PRIM2: variants seen among roughly 807,000 people sequenced by gnomAD.
PRIM2 encodes DNA primase subunit 2.
A neutral mutation model predicts 67.3 loss-of-function variants in PRIM2; 39 were observed. The ratio of observed to expected loss-of-function variants is 0.58; its 90% CI spans 0.45 to 0.76. The LOEUF is 0.76. PRIM2 is among the 30% of genes least tolerant of loss of function. The pLI is 0.00. For synonymous variants in PRIM2, 143 were observed against 198.7 expected, an observed-to-expected ratio of 0.72 and a Z score of 2.36; for missense variants, 398 against 598.7, an observed-to-expected ratio of 0.66 and a Z score of 3.50.
Position 57,591,412 on chromosome 6 carries a change from C to T in PRIM2, c.1021-9681C>T, listed in dbSNP as rs1435224148. Among the ~76,000 whole-genome samples the T allele has an allele frequency of 6.6e-5, 10 of 152,262 alleles. No individual in the cohort carries two copies. The South Asian group carries it at 1.7e-3, about 25-fold the overall frequency. On this transcript the variant is annotated intron_variant, in intron 10 of 13. Transcript: ENST00000615550. The stretch of plus-strand genomic sequence containing the variant: ...TTATATGTGTGACCCTGATGCTGAG[C>T]TTGAGTTTCTGTTAGTACTTATGAT...
intron 8 of PRIM2, among the ~76,000 whole-genome samples, chr6:57,527,280 A>G (rs1162300906): frequency 2.0e-5 from 3 of 152,202 alleles, no homozygotes; most frequent in Non-Finnish European, 2.9e-5. Flanking sequence ...TTATTCCTGA[A>G]TTACAGTTTT....
At chr6:57,613,765 G>T (rs1187551794) in intron 12 of PRIM2, among the ~76,000 whole-genome samples, 19 of 152,180 alleles carry the variant, frequency 1.2e-4, no homozygotes, top group African/African-American at 4.3e-4. Flanking sequence ...GCTTGTGTTG[G>T]AGGAGGGAAA....
chr6:57,272,513 T>C, the PRIM2 span, among the ~76,000 whole-genome samples: 2 of 152,348 alleles, frequency 1.3e-5, no homozygotes, highest in South Asian at 4.1e-4. Flanking sequence ...TTTGAGCCTA[T>C]GTGTGTCTCT....
intron 7 of PRIM2, among the ~76,000 whole-genome samples, chr6:57,423,967 G>T (rs1771542681): frequency 6.6e-6 from 1 of 152,188 alleles, no homozygotes; most frequent in South Asian, 2.1e-4. Context: ...GTGAGCACAT[G>T]TACCCTATTT....
the PRIM2 span, among the ~76,000 whole-genome samples, chr6:57,272,467 T>C: frequency 3.4e-4 from 52 of 152,204 alleles, no homozygotes; most frequent in African/African-American, 9.4e-4. Flanking sequence ...TTTTTTGTTT[T>C]CCATTTGCTT....
chr6:57,500,734 G>A (rs1395963052), intron 7 of PRIM2, among the ~76,000 whole-genome samples: 140 of 152,308 alleles, frequency 9.2e-4, no homozygotes, highest in Non-Finnish European at 1.3e-3. Context: ...GTGCCATCTG[G>A]TCTGAGTTAG....
At chr6:57,518,302 T>G (rs1373752531) in intron 8 of PRIM2, among the ~76,000 whole-genome samples, 1 of 152,254 alleles carries the variant, frequency 6.6e-6, no homozygotes, top group African/African-American at 2.4e-5. Context: ...CAGGTCTTAC[T>G]GAGGTGTGTC....
intron 7 of PRIM2, among the ~76,000 whole-genome samples, chr6:57,467,698 A>C (rs1241683842): frequency 6.6e-6 from 1 of 152,190 alleles, no homozygotes; most frequent in Non-Finnish European, 1.5e-5. Context: ...ATAGCATTGA[A>C]TATATAAATT....
chr6:57,316,938 C>T (rs1767498387), upstream of PRIM2, among the ~76,000 whole-genome samples: 1 of 152,208 alleles, frequency 6.6e-6, no homozygotes, highest in Non-Finnish European at 1.5e-5. Flanking sequence ...TAGTTCATTC[C>T]ACAGATAATT....
At chr6:57,273,862 G>C in the PRIM2 span, among the ~76,000 whole-genome samples, 1 of 152,196 alleles carries the variant, frequency 6.6e-6, no homozygotes, top group South Asian at 2.1e-4. Flanking sequence ...TACCTCAGCT[G>C]CAGGTCTGTT....
intron 5 of PRIM2, among the ~76,000 whole-genome samples, chr6:57,338,858 A>T (rs1768368005): frequency 2.0e-5 from 3 of 150,208 alleles, no homozygotes; most frequent in African/African-American, 7.4e-5. Context: ...TGGCCAGGGC[A>T]ATTAGGCAGG....
the PRIM2 span, among the ~76,000 whole-genome samples, chr6:57,222,784 G>GA: frequency 7.2e-5 from 11 of 151,966 alleles, no homozygotes; most frequent in Non-Finnish European, 1.2e-4. Flanking sequence ...AAATAGAATA[G>GA]AAAAAAAAGA....
chr6:57,374,959 C>T (rs2127327369), intron 5 of PRIM2, among the ~76,000 whole-genome samples: 1 of 152,374 alleles, frequency 6.6e-6, no homozygotes, highest in African/African-American at 2.4e-5. Flanking sequence ...GCTTAAGAAG[C>T]TTTTGGGCTG....
the PRIM2 span, among the ~76,000 whole-genome samples, chr6:57,299,615 A>T: frequency 2.0e-5 from 3 of 152,202 alleles, no homozygotes; most frequent in Non-Finnish European, 4.4e-5. Flanking sequence ...CAATGGACAG[A>T]TACTCATTTT....
At chr6:57,325,825 G>T in intron 4 of PRIM2, 100 bp from the exon 5 acceptor site, 1 of 1,201,396 alleles carries the variant, frequency 8.3e-7, no homozygotes. Flanking sequence ...GCTGTCCATT[G>T]GCATCTTGCT....
intron 5 of PRIM2, among the ~76,000 whole-genome samples, chr6:57,364,522 C>G (rs1436710871): frequency 1.3e-5 from 2 of 152,170 alleles, no homozygotes; most frequent in African/African-American, 4.8e-5. Flanking sequence ...CTTCATTTTC[C>G]TACCTTTTTC....
chr6:57,638,643 C>T, intron 13 of PRIM2, among the ~76,000 whole-genome samples: 1 of 143,702 alleles, frequency 7.0e-6, no homozygotes, highest in Non-Finnish European at 1.5e-5. Context: ...GACTTAAAAC[C>T]AACAAAGATC....
chr6:57,349,332 T>G (rs1768784620), intron 5 of PRIM2, among the ~76,000 whole-genome samples: 1 of 150,922 alleles, frequency 6.6e-6, no homozygotes, highest in Admixed American at 6.6e-5. Context: ...ACCGTGTCAG[T>G]TTGCATTGGT....
intron 10 of PRIM2, among the ~76,000 whole-genome samples, chr6:57,584,784 C>G (rs1371483501): frequency 6.6e-6 from 1 of 152,286 alleles, no homozygotes; most frequent in South Asian, 2.1e-4. Context: ...ATGGCACAAA[C>G]TAGTTTCTAC....
Sources: gnomAD v4.1 joint callset for allele counts (sites outside exome capture counted in the v4.1 genomes callset) on GRCh38, gnomAD v4.1.1 for gene constraint, MANE v1.5 for transcripts, NCBI Gene and HGNC (gene_info 2026-07-23, HGNC 2026-07-21) for gene names.